Variants in NIPAL2 observed in about 807,000 individuals in gnomAD.
The protein encoded by NIPAL2 is NIPA-like protein 2.
Under a neutral mutation model 48.9 loss-of-function variants are expected in NIPAL2, and 43 were observed. That is an observed-to-expected ratio of 0.88 (90% CI 0.69 to 1.13). NIPAL2 has a LOEUF of 1.13. NIPAL2 is among the 50% of genes most tolerant of loss of function. The pLI is 0.00. For missense variants in NIPAL2, 446 were observed against 461.4 expected (o/e 0.97, Z 0.31); for synonymous variants, 167 against 174.6 (o/e 0.96, Z 0.34).
At chr8:98,291,139 A>T (rs922795052) in intron 1 of NIPAL2, among the ~76,000 whole-genome samples, 3 of 152,166 alleles carry the variant, frequency 2.0e-5, no homozygotes, top group African/African-American at 7.2e-5. Context: ...CACTGTCTGC[A>T]AGGTAAAGTC....
At chr8:98,293,536 T>C (rs1445442363) in intron 1 of NIPAL2, among the ~76,000 whole-genome samples, 2 of 152,210 alleles carry the variant, frequency 1.3e-5, no homozygotes, top group African/African-American at 4.8e-5. Context: ...ACGCAGGGCA[T>C]CTGCGCGAGG....
At chr8:98,226,666 C>T (rs1010789478) in intron 4 of NIPAL2, among the ~76,000 whole-genome samples, 1 of 152,144 alleles carries the variant, frequency 6.6e-6, no homozygotes, top group Non-Finnish European at 1.5e-5. Context: ...TGGAATGACA[C>T]AAGCACCCCT....
At chr8:98,210,109 A>G (rs1811238886) in intron 6 of NIPAL2, among the ~76,000 whole-genome samples, 1 of 151,864 alleles carries the variant, frequency 6.6e-6, no homozygotes, top group Non-Finnish European at 1.5e-5. Flanking sequence ...TTATAAATCC[A>G]TTACTTTTCT....
intron 5 of NIPAL2, among the ~76,000 whole-genome samples, chr8:98,213,777 C>T (rs1811436447): frequency 6.6e-6 from 1 of 152,158 alleles, no homozygotes; most frequent in Non-Finnish European, 1.5e-5. Context: ...TCTTTTCTCA[C>T]TCTTCTGATC....
intron 1 of NIPAL2, among the ~76,000 whole-genome samples, chr8:98,280,761 T>TATAGAGAGAGAGAGAG: frequency 7.0e-4 from 21 of 30,024 alleles, no homozygotes; most frequent in Admixed American, 1.8e-3. Context: ...TATATATATA[T>TATAGAGAGAGAGAGAG]AGAGAGAGAG....
chr8:98,220,898 C>G (rs984585150), intron 5 of NIPAL2, among the ~76,000 whole-genome samples: 1 of 150,522 alleles, frequency 6.6e-6, no homozygotes, highest in East Asian at 2.0e-4. Flanking sequence ...CCTACAGATA[C>G]AGCCACTGCA....
intron 1 of NIPAL2, among the ~76,000 whole-genome samples, chr8:98,280,880 T>C (rs550365232): frequency 4.0e-5 from 6 of 151,466 alleles, no homozygotes; most frequent in African/African-American, 1.5e-4. Flanking sequence ...TACTCTTTTT[T>C]ACTTTTCTAT....
At position 98,190,956 on chromosome 8, in the gene NIPAL2, A is replaced by G. The variant is rs1053844842; in HGVS notation, c.*2022T>C. On this transcript the variant is annotated 3_prime_UTR_variant, in exon 11 of 11. Coordinates refer to ENST00000430223, the MANE Select transcript of NIPAL2 (RefSeq NM_001321635.2). The stretch of plus-strand genomic sequence containing the variant: ...GCCAGTACAACTAAAACTCCTATTT[A>G]CCTTACTTTGGAGCAACAATATGGA... The G allele has an allele frequency of 2.0e-5, 3 of 152,172 alleles. No homozygotes were observed. Among genetic ancestry groups the G allele is most frequent in the Admixed American group, 2.0e-4 (3 of 15,276 alleles). The allele number at this position is 152,172 out of a possible 1,614,324, so 9.4% of individuals were successfully genotyped here.
chr8:98,277,068 C>A (rs551803291), intron 1 of NIPAL2, among the ~76,000 whole-genome samples: 1 of 152,172 alleles, frequency 6.6e-6, no homozygotes, highest in East Asian at 1.9e-4. Flanking sequence ...GTATACCCAG[C>A]CCATGTTTAC....
At chr8:98,224,607 C>G (rs1466191124) in intron 4 of NIPAL2, among the ~76,000 whole-genome samples, 1 of 152,006 alleles carries the variant, frequency 6.6e-6, no homozygotes, top group Non-Finnish European at 1.5e-5. Context: ...CAATGTATAT[C>G]TTCGTTGCGT....
intron 1 of NIPAL2, among the ~76,000 whole-genome samples, chr8:98,283,718 C>A (rs1815992828): frequency 6.6e-6 from 1 of 152,184 alleles, no homozygotes; most frequent in South Asian, 2.1e-4. Flanking sequence ...CCACACCTGC[C>A]TGGGTTTCCG....
chr8:98,279,970 A>C (rs1451243995), intron 1 of NIPAL2, among the ~76,000 whole-genome samples: 1 of 152,248 alleles, frequency 6.6e-6, no homozygotes, highest in Admixed American at 6.5e-5. Context: ...TCAAAATAGC[A>C]GCATTGATAA....
At chr8:98,218,653 T>C (rs907936765) in intron 5 of NIPAL2, among the ~76,000 whole-genome samples, 1 of 152,154 alleles carries the variant, frequency 6.6e-6, no homozygotes, top group Non-Finnish European at 1.5e-5. Context: ...GAGTGATACA[T>C]TGAGCAACCA....
At chr8:98,280,911 T>C (rs1815793106) in intron 1 of NIPAL2, among the ~76,000 whole-genome samples, 1 of 151,404 alleles carries the variant, frequency 6.6e-6, no homozygotes, top group Non-Finnish European at 1.5e-5. Flanking sequence ...TTTTCCAAGC[T>C]AAAAAATTTT....
chr8:98,265,312 A>T (rs1455289558), intron 1 of NIPAL2, among the ~76,000 whole-genome samples: 18 of 149,754 alleles, frequency 1.2e-4, no homozygotes, highest in African/African-American at 4.4e-4. Context: ...GCTTCTGCAC[A>T]GCAAAAGAAA....
intron 10 of NIPAL2, 145 bp from the exon 11 acceptor site, chr8:98,193,235 G>T: frequency 9.3e-7 from 1 of 1,076,430 alleles, no homozygotes; most frequent in Non-Finnish European, 1.4e-6. Flanking sequence ...GAATATCAAG[G>T]AAGAAAAGGC....
At chr8:98,289,150 T>C (rs939867828) in intron 1 of NIPAL2, among the ~76,000 whole-genome samples, 6 of 152,344 alleles carry the variant, frequency 3.9e-5, no homozygotes, top group South Asian at 2.1e-4. Context: ...TTTTCTGCTG[T>C]GTCTTTTAGG....
chr8:98,277,440 G>A (rs187889784), intron 1 of NIPAL2, among the ~76,000 whole-genome samples: 170 of 152,292 alleles, frequency 1.1e-3, no homozygotes, highest in African/African-American at 3.9e-3. Flanking sequence ...GGGAGGCTGA[G>A]ATGGGAGAAT....
At chr8:98,242,151 A>G (rs925276856) in intron 3 of NIPAL2, among the ~76,000 whole-genome samples, 8 of 152,204 alleles carry the variant, frequency 5.3e-5, no homozygotes, top group African/African-American at 1.4e-4. Context: ...ATAGTGATAC[A>G]TATTTCAAAA....
Sources: allele counts gnomAD v4.1 joint callset (sites outside exome capture counted in the v4.1 genomes callset), GRCh38; gene constraint gnomAD v4.1.1; transcripts MANE v1.5; gene names NCBI Gene and HGNC (gene_info 2026-07-23, HGNC 2026-07-21).